Variants in CRK observed in about 807,000 individuals in gnomAD.
CRK encodes the protein CRK proto-oncogene, adaptor protein.
CRK carries 4 observed loss-of-function variants against 29.8 expected under a neutral mutation model. The ratio of observed to expected loss-of-function variants is 0.13; its 90% CI spans 0.07 to 0.31. The LOEUF is 0.31. CRK is among the 10% of genes least tolerant of loss of function. CRK has a pLI of 1.00. For missense variants in CRK, 274 were observed against 396.5 expected (o/e 0.69, Z 2.62); for synonymous variants, 153 against 164.9 (o/e 0.93, Z 0.55).
At chr17:1,431,145 T>A (rs1204421192) in intron 2 of CRK, among the ~76,000 whole-genome samples, 1 of 152,168 alleles carries the variant, frequency 6.6e-6, no homozygotes, top group Non-Finnish European at 1.5e-5. Flanking sequence ...TTAGAGCACA[T>A]GAAAATGCTC....
chr17:1,452,253 G>T (rs183720610), intron 1 of CRK, among the ~76,000 whole-genome samples: 2 of 152,222 alleles, frequency 1.3e-5, no homozygotes, highest in East Asian at 3.9e-4. Flanking sequence ...TTAATAAATG[G>T]AGATCATATT....
intron 1 of CRK, among the ~76,000 whole-genome samples, chr17:1,449,054 C>G (rs1409524252): frequency 1.3e-5 from 2 of 152,102 alleles, no homozygotes; most frequent in African/African-American, 2.4e-5. Context: ...GTGGCTTGGC[C>G]CAGCTGCCAG....
At chr17:1,453,513 T>G (rs1238885343) in intron 1 of CRK, among the ~76,000 whole-genome samples, 1 of 152,166 alleles carries the variant, frequency 6.6e-6, no homozygotes. Context: ...CCAACACAGG[T>G]ACATCAATAT....
In CRK at chr17:1,436,995, C is replaced by T. The variant is rs541131894; in HGVS notation, c.402G>A (p.Ala134=). ...AGTCAAAGAGGGCTCGCACATACTC[C>T]GCCTCCTCCTGCCTGAGAATCACTC... ...GSGVILRQEE[A]EYVRALFDFN... Residue 134 remains alanine, a synonymous_variant, in exon 2 of 3, where the codon GCG becomes GCA. Coordinates refer to ENST00000300574, the MANE Select transcript of CRK (RefSeq NM_016823.4). 9.3e-6 allele frequency: 15 copies of T among 1,614,138 alleles called. No homozygotes were observed. The highest frequency in any genetic ancestry group is 7.7e-5 in the South Asian group (7 of 91,084).
At chr17:1,425,689 G>C (rs115894023) in intron 2 of CRK, among the ~76,000 whole-genome samples, 4,503 of 152,302 alleles carry the variant, frequency 0.03, 219 homozygotes, top group African/African-American at 0.1. Context: ...CAAAGCCAAC[G>C]TAAGTCCAGC....
intron 1 of CRK, among the ~76,000 whole-genome samples, chr17:1,445,742 G>C (rs1489565077): frequency 6.6e-6 from 1 of 152,142 alleles, no homozygotes; most frequent in African/African-American, 2.4e-5. Context: ...GCACTGCCTG[G>C]TCAAGAAAAC....
intron 1 of CRK, 24 bp downstream of exon 1, chr17:1,455,852 GC>G: frequency 6.6e-7 from 1 of 1,521,738 alleles, no homozygotes; most frequent in East Asian, 2.6e-5. Context: ...CCCGCCCAGG[GC>G]CCGCCGTCCC....
chr17:1,427,912 C>G (rs1002831205), intron 2 of CRK, among the ~76,000 whole-genome samples: 1 of 151,668 alleles, frequency 6.6e-6, no homozygotes, highest in African/African-American at 2.4e-5. Context: ...GAATTACAGG[C>G]ATCAGCCACC....
At chr17:1,435,453 A>C (rs1441853889) in intron 2 of CRK, among the ~76,000 whole-genome samples, 1 of 131,282 alleles carries the variant, frequency 7.6e-6, no homozygotes, top group Non-Finnish European at 1.6e-5. Context: ...ATAAAAATAA[A>C]AAAAAGCAGA....
intron 2 of CRK, among the ~76,000 whole-genome samples, chr17:1,429,214 G>A (rs887333153): frequency 2.6e-5 from 4 of 151,990 alleles, no homozygotes; most frequent in East Asian, 1.9e-4. Context: ...TTTTTACACC[G>A]GGTACGCTGG....
Position 1,441,497 on chromosome 17 carries a change from A to AT in CRK, c.242-4343dup, listed in dbSNP as rs967972387. Among the ~76,000 whole-genome samples the AT allele has an allele frequency of 2.3e-3, 336 of 146,552 alleles. 1 individual carries two copies. The highest frequency in any genetic ancestry group is 1.9e-3 in the Non-Finnish European group (124 of 65,986). The stretch of plus-strand genomic sequence containing the variant: ...GTGCGGGTGGCATTGCACCCAGCTG[A>AT]TTTTTTTTTTTGAGATGGAGTCACA... On this transcript the variant is annotated intron_variant, in intron 1 of 2. Transcript: ENST00000300574.
chr17:1,432,310 G>A (rs750601792), intron 2 of CRK, among the ~76,000 whole-genome samples: 6 of 151,170 alleles, frequency 4.0e-5, no homozygotes, highest in Non-Finnish European at 8.8e-5. Context: ...CCAATGTGGC[G>A]AAATCCCATC....
chr17:1,442,886 C>T (rs149380712), intron 1 of CRK, among the ~76,000 whole-genome samples: 149 of 150,784 alleles, frequency 9.9e-4, no homozygotes, highest in African/African-American at 3.5e-3. Flanking sequence ...GGATGACAGG[C>T]GTGAGCCACT....
chr17:1,445,718 T>C (rs886411412), intron 1 of CRK, among the ~76,000 whole-genome samples: 11 of 152,254 alleles, frequency 7.2e-5, no homozygotes, highest in East Asian at 3.9e-4. Flanking sequence ...TGTGAGCGCA[T>C]AGGGACCTAC....
rs1255487598 is a variant in CRK at position 1,437,059 on chromosome 17, G to A, written c.338C>T (p.Thr113Met). The change falls in exon 2 of 3, where the codon ACG (threonine) becomes ATG (methionine). Residue 113 changes from threonine to methionine, a missense_variant. Thr to Met is a moderately conservative substitution (Grantham distance 81). This residue lies in a region of CRK where 135 missense variants were observed against 180.9 expected (regional missense o/e 0.75). Transcript: ENST00000300574. ...FYKIHYLDTT[T>M]LIEPVSRSRQ... ...GGATCTGGAAACTGGTTCTATCAACGTTGTAGTGTCCAAATAGTGTATTTT... is the reference window on the plus strand; with the variant it reads ...GGATCTGGAAACTGGTTCTATCAACATTGTAGTGTCCAAATAGTGTATTTT... 3 of 1,614,170 alleles carry A rather than the reference G, an allele frequency of 1.9e-6. No homozygotes were observed. The highest frequency in any genetic ancestry group is 2.5e-6 in the Non-Finnish European group (3 of 1,180,034).
At chr17:1,430,864 G>A (rs931254941) in intron 2 of CRK, among the ~76,000 whole-genome samples, 3 of 151,298 alleles carry the variant, frequency 2.0e-5, no homozygotes, top group Non-Finnish European at 2.9e-5. Flanking sequence ...TCAGCAGATC[G>A]AGACCATCCT....
At chr17:1,437,259 C>T in intron 1 of CRK, 104 bp from the exon 2 acceptor site, 2 of 1,304,174 alleles carry the variant, frequency 1.5e-6, no homozygotes, top group Non-Finnish European at 2.0e-6. Context: ...ACTATGTTAC[C>T]CAGGCTGGTC....
chr17:1,450,602 G>T (rs918540477), intron 1 of CRK, among the ~76,000 whole-genome samples: 3 of 151,980 alleles, frequency 2.0e-5, no homozygotes, highest in African/African-American at 7.2e-5. Flanking sequence ...TACTCTGTAG[G>T]CTAGATGCGA....
chr17:1,425,182 C>G (rs991655040), intron 2 of CRK, among the ~76,000 whole-genome samples: 1 of 151,532 alleles, frequency 6.6e-6, no homozygotes, highest in African/African-American at 2.4e-5. Flanking sequence ...CTCTGCCTCC[C>G]GGGTTCACGC....
Sources: allele counts gnomAD v4.1 joint callset (sites outside exome capture counted in the v4.1 genomes callset), GRCh38; gene constraint gnomAD v4.1.1; regional missense constraint gnomAD v4.1.1; transcripts MANE v1.5; gene names NCBI Gene and HGNC (gene_info 2026-07-23, HGNC 2026-07-21).